The following COL19A1 variants were observed in gnomAD, a reference collection of about 807,000 sequenced individuals.
The protein encoded by COL19A1 is collagen alpha-1(XIX) chain.
In COL19A1, 159 loss-of-function variants were observed where a neutral mutation model predicts 190.2. The observed-to-expected ratio is 0.84, with a 90% CI of 0.73 to 0.95. The LOEUF is 0.95. Among genes scored for constraint, COL19A1 ranks in the 40% least tolerant of loss-of-function variants. COL19A1 has a pLI of 0.00. For synonymous variants in COL19A1, 509 were observed against 458.9 expected (o/e 1.11, Z -1.39); for missense variants, 1,418 against 1,431.9 (o/e 0.99, Z 0.16).
intron 14 of COL19A1, among the ~76,000 whole-genome samples, chr6:70,046,136 A>G (rs889901410): frequency 4.3e-4 from 65 of 152,158 alleles, no homozygotes; most frequent in Non-Finnish European, 7.4e-5. Context: ...TAGCCTTCAC[A>G]TTTCTTTACT....
intron 11 of COL19A1, among the ~76,000 whole-genome samples, chr6:69,966,241 C>T (rs1220220279): frequency 1.3e-5 from 2 of 152,302 alleles, no homozygotes; most frequent in Non-Finnish European, 2.9e-5. Flanking sequence ...AGGAGCCCCT[C>T]TGCCCGGCCG....
At chr6:70,019,108 G>C (rs965277468) in intron 11 of COL19A1, among the ~76,000 whole-genome samples, 28 of 152,228 alleles carry the variant, frequency 1.8e-4, no homozygotes, top group African/African-American at 6.7e-4. Flanking sequence ...AGATGAAATT[G>C]AACCAGTTTA....
intron 16 of COL19A1, among the ~76,000 whole-genome samples, chr6:70,105,454 C>A (rs1391711864): frequency 6.6e-6 from 1 of 152,146 alleles, no homozygotes; most frequent in East Asian, 1.9e-4. Context: ...CCGTGCCTGG[C>A]CAGTATTCAC....
intron 2 of COL19A1, chr6:69,890,608 CAATA>C (rs2149959337): frequency 6.6e-6 from 1 of 152,242 alleles, no homozygotes; most frequent in Non-Finnish European, 1.5e-5. Context: ...GAAGTTTAAA[CAATA>C]AATAATTTTT....
intron 22 of COL19A1, 52 bp from the exon 23 acceptor site, chr6:70,142,715 C>CT (rs3831024): frequency 0.41 from 589,078 of 1,420,976 alleles, 111,489 homozygotes; most frequent in African/African-American, 0.56. Flanking sequence ...TACAATCTAT[C>CT]TTTTTTTTTC....
intron 9 of COL19A1, among the ~76,000 whole-genome samples, chr6:69,956,746 T>C (rs1180516090): frequency 6.6e-6 from 1 of 152,094 alleles, no homozygotes; most frequent in African/African-American, 2.4e-5. Context: ...TTTCATGCAA[T>C]ATTCAACTTA....
At chr6:70,063,342 C>G (rs1395513127) in intron 14 of COL19A1, among the ~76,000 whole-genome samples, 2 of 152,104 alleles carry the variant, frequency 1.3e-5, no homozygotes, top group Admixed American at 1.3e-4. Context: ...CAAAACCGCT[C>G]AACTACATGG....
chr6:69,939,768 C>T (rs912794489), intron 9 of COL19A1, among the ~76,000 whole-genome samples: 2 of 151,948 alleles, frequency 1.3e-5, no homozygotes, highest in East Asian at 3.9e-4. Context: ...TGAGTTAATC[C>T]CAACTCTTCT....
At chr6:70,121,261 A>G (rs1036842004) in intron 16 of COL19A1, among the ~76,000 whole-genome samples, 1 of 152,158 alleles carries the variant, frequency 6.6e-6, no homozygotes, top group African/African-American at 2.4e-5. Flanking sequence ...GGGACAGCCA[A>G]ATGTATTTGC....
intron 15 of COL19A1, among the ~76,000 whole-genome samples, chr6:70,074,414 G>A (rs1436123390): frequency 6.9e-6 from 1 of 144,614 alleles, no homozygotes; most frequent in African/African-American, 2.6e-5. Context: ...CAGGAGAATC[G>A]CTTGAACCCA....
At chr6:70,093,189 A>C (rs1270563938) in intron 15 of COL19A1, among the ~76,000 whole-genome samples, 1 of 152,140 alleles carries the variant, frequency 6.6e-6, no homozygotes. Context: ...GGCAATGTAT[A>C]TAAAGGCCAA....
chr6:70,183,265 T>C (rs1387884818), intron 44 of COL19A1, among the ~76,000 whole-genome samples: 4 of 151,974 alleles, frequency 2.6e-5, no homozygotes, highest in Non-Finnish European at 5.9e-5. Context: ...AGATGTGAGG[T>C]AGGCAGAATG....
intron 11 of COL19A1, among the ~76,000 whole-genome samples, chr6:70,000,151 G>A (rs768425043): frequency 1.2e-4 from 18 of 152,146 alleles, no homozygotes; most frequent in Non-Finnish European, 1.8e-4. Context: ...AGTGTGCTGA[G>A]AATGATGGTT....
At chr6:70,000,153 A>G (rs1777170648) in intron 11 of COL19A1, among the ~76,000 whole-genome samples, 2 of 152,170 alleles carry the variant, frequency 1.3e-5, no homozygotes, top group Admixed American at 1.3e-4. Flanking sequence ...TGTGCTGAGA[A>G]TGATGGTTTC....
At chr6:70,068,803 AATTCC>A (rs2150151115) in intron 15 of COL19A1, among the ~76,000 whole-genome samples, 1 of 152,222 alleles carries the variant, frequency 6.6e-6, no homozygotes, top group South Asian at 2.1e-4. Context: ...CCTATTTATT[AATTCC>A]ATAAAGGTTG....
chr6:69,962,995 T>C, intron 11 of COL19A1, 125 bp downstream of exon 11: 1 of 606,548 alleles, frequency 1.6e-6, no homozygotes, highest in Non-Finnish European at 2.6e-6. Flanking sequence ...TAGACATAAC[T>C]AAAACATTTG....
At chr6:70,144,164 A>T (rs758526856) in intron 23 of COL19A1, 46 bp from the exon 24 acceptor site, 2 of 1,482,752 alleles carry the variant, frequency 1.3e-6, no homozygotes, top group Non-Finnish European at 1.9e-6. Context: ...ATGTTATTGT[A>T]AGAGATGTTC....
Position 70,188,091 on chromosome 6 carries a change from C to G in COL19A1, c.2873C>G (p.Pro958Arg). 1 of 1,613,118 alleles carries G rather than the reference C, an allele frequency of 6.2e-7. No homozygotes were observed. Among genetic ancestry groups the G allele is most frequent in the Non-Finnish European group, 8.5e-7 (1 of 1,179,582 alleles). The change falls in exon 47 of 51, where the codon CCA becomes CGA. Residue 958 changes from proline (P) to arginine (R), a missense_variant. Coordinates refer to ENST00000620364, the MANE Select transcript of COL19A1 (RefSeq NM_001858.6). Reference protein sequence around the residue: ...PKGERGDQGIPGDRGSQGERG... With the variant: ...PKGERGDQGIRGDRGSQGERG... The stretch of plus-strand genomic sequence containing the variant: ...CCTTAACAGGGTGATCAGGGGATTC[C>G]AGGAGACAGAGGCTCACAAGGTGAA...
intron 16 of COL19A1, among the ~76,000 whole-genome samples, chr6:70,113,842 C>CTTTTT (rs34876942): frequency 5.3e-4 from 34 of 64,150 alleles, no homozygotes; most frequent in Non-Finnish European, 6.9e-4. Flanking sequence ...CCAAGTCTTT[C>CTTTTT]TTTTTTTTTT....
Sources: allele counts gnomAD v4.1 joint callset (sites outside exome capture counted in the v4.1 genomes callset), GRCh38; gene constraint gnomAD v4.1.1; transcripts MANE v1.5; gene names NCBI Gene and HGNC (gene_info 2026-07-23, HGNC 2026-07-21).